EYS: variants seen among roughly 807,000 people sequenced by gnomAD.
EYS encodes protein eyes shut homolog.
EYS carries 250 observed loss-of-function variants against 282.1 expected under a neutral mutation model. The observed-to-expected ratio is 0.89, with a 90% CI of 0.80 to 0.98. The LOEUF (loss-of-function observed/expected upper bound fraction) is 0.98, where lower values mean the gene tolerates loss of function less well. Ranked by LOEUF, EYS falls within the 50% of genes least tolerant of loss-of-function variation. The probability of loss-of-function intolerance (pLI) is 0.00; values close to 1 mark genes in which losing one functional copy is unlikely to be tolerated. For synonymous variants in EYS, 1,355 were observed against 1,282.9 expected, an observed-to-expected ratio of 1.06 and a Z score of -1.20; for missense variants, 4,016 against 3,709.0, an observed-to-expected ratio of 1.08 and a Z score of -2.15.
chr6:64,611,847 T>C (rs967826338), intron 24 of EYS, among the ~76,000 whole-genome samples: 2 of 152,170 alleles, frequency 1.3e-5, no homozygotes, highest in African/African-American at 4.8e-5. Context: ...CAAATAAGGA[T>C]AAATGTCAAA....
In EYS at chr6:64,617,436, T is replaced by A. The variant is rs1284359842; in HGVS notation, c.3666A>T (p.Leu1222Phe). The part of the protein sequence containing the change: ...CMENEPGSTC[L>F]CTPGFMTCSI... ...TCTTTACCATAAATCCAGGTGTGCA[T>A]AAACATGTCGAGCCAGGTTCATTCT... Residue 1222 changes from leucine (L) to phenylalanine (F), a missense_variant, in exon 24 of 43, where the codon TTA becomes TTT. Coordinates refer to ENST00000503581, the MANE Select transcript of EYS (RefSeq NM_001142800.2). The A allele has an allele frequency of 1.3e-6, 2 of 1,549,402 alleles. No homozygotes were observed. The highest frequency in any genetic ancestry group is 2.0e-5 in the Admixed American group (1 of 50,958).
At chr6:64,425,641 T>A (rs1301927084) in intron 28 of EYS, among the ~76,000 whole-genome samples, 13 of 52,140 alleles carry the variant, frequency 2.5e-4, no homozygotes, top group South Asian at 5.0e-4. Flanking sequence ...GCAACAAGAG[T>A]AAAACTCCAT....
At chr6:64,542,687 A>C (rs570015926) in intron 26 of EYS, among the ~76,000 whole-genome samples, 1 of 152,216 alleles carries the variant, frequency 6.6e-6, no homozygotes, top group African/African-American at 2.4e-5. Context: ...TAAAATGACC[A>C]AAAATTAATA....
chr6:64,626,967 A>G (rs1767629328), intron 22 of EYS, among the ~76,000 whole-genome samples: 1 of 152,178 alleles, frequency 6.6e-6, no homozygotes, highest in Non-Finnish European at 1.5e-5. Flanking sequence ...GGAAGAATAG[A>G]TATGGAAAGA....
intron 26 of EYS, among the ~76,000 whole-genome samples, chr6:64,542,725 G>A (rs1242229449): frequency 7.2e-5 from 11 of 151,970 alleles, no homozygotes; most frequent in Admixed American, 5.9e-4. Context: ...GACCATTCAA[G>A]CACATCAGAC....
Position 64,114,359 on chromosome 6 carries a change from C to T in EYS, c.6425-32357G>A, listed in dbSNP as rs191118243. On this transcript the variant is annotated intron_variant, in intron 31 of 42. Coordinates refer to ENST00000503581, the MANE Select transcript of EYS (RefSeq NM_001142800.2). ...ATGCCTTTCTAAACTCAAAAATATA[C>T]CACCTAAAGGGCTGATATCTGCAAG... Among the ~76,000 whole-genome samples, 74 of 152,098 alleles carry T rather than the reference C, an allele frequency of 4.9e-4. 1 individual carries two copies. The East Asian group carries it at 0.012, about 25-fold the overall frequency.
intron 35 of EYS, among the ~76,000 whole-genome samples, chr6:63,913,133 T>C (rs1202459973): frequency 3.3e-5 from 5 of 152,304 alleles, no homozygotes; most frequent in Middle Eastern, 3.4e-3. Context: ...CATTTTTTCA[T>C]ATCCCCTAAA....
intron 5 of EYS, among the ~76,000 whole-genome samples, chr6:65,415,245 A>G (rs1767183806): frequency 6.6e-6 from 1 of 152,048 alleles, no homozygotes; most frequent in Admixed American, 6.6e-5. Context: ...GGCAATTCAA[A>G]GGATGGTCCC....
At chr6:64,843,855 C>A (rs559072265) in intron 19 of EYS, among the ~76,000 whole-genome samples, 4 of 152,120 alleles carry the variant, frequency 2.6e-5, no homozygotes, top group African/African-American at 9.6e-5. Context: ...CTATGTGTCC[C>A]CACCCAAATC....
intron 18 of EYS, among the ~76,000 whole-genome samples, chr6:64,888,740 T>C (rs556238358): frequency 2.8e-4 from 42 of 152,144 alleles, no homozygotes; most frequent in Non-Finnish European, 4.9e-4. Flanking sequence ...TGAGAAGTAA[T>C]GTAATGAATC....
intron 31 of EYS, among the ~76,000 whole-genome samples, chr6:64,082,460 A>T (rs1196941462): frequency 6.6e-6 from 1 of 152,174 alleles, no homozygotes; most frequent in Non-Finnish European, 1.5e-5. Flanking sequence ...TCATAATCAC[A>T]TCAGGGTCAA....
intron 19 of EYS, among the ~76,000 whole-genome samples, chr6:64,847,790 T>C (rs953521186): frequency 6.6e-6 from 1 of 152,068 alleles, no homozygotes; most frequent in African/African-American, 2.4e-5. Flanking sequence ...GAAAAATGAA[T>C]CTTCATCACA....
intron 30 of EYS, among the ~76,000 whole-genome samples, chr6:64,274,599 G>A (rs1768052956): frequency 6.6e-6 from 1 of 150,538 alleles, no homozygotes; most frequent in Non-Finnish European, 1.5e-5. Context: ...CTGGAGTGGG[G>A]TAACTATCCT....
intron 14 of EYS, among the ~76,000 whole-genome samples, chr6:64,948,897 T>C (rs1395471217): frequency 6.6e-6 from 1 of 151,770 alleles, no homozygotes; most frequent in Non-Finnish European, 1.5e-5. Context: ...AGGTCTACAA[T>C]ATTGAACTCT....
At chr6:65,221,637 G>A (rs1008863903) in intron 12 of EYS, among the ~76,000 whole-genome samples, 1 of 152,220 alleles carries the variant, frequency 6.6e-6, no homozygotes, top group Non-Finnish European at 1.5e-5. Context: ...GAAGGGAAAT[G>A]TGGAGTTGGA....
chr6:65,292,648 T>C (rs991032317), intron 12 of EYS, among the ~76,000 whole-genome samples: 3 of 151,712 alleles, frequency 2.0e-5, no homozygotes, highest in African/African-American at 7.3e-5. Context: ...TGAAGGAATA[T>C]AGTACAACAG....
chr6:65,187,369 A>G (rs936673539), intron 12 of EYS, among the ~76,000 whole-genome samples: 1 of 151,740 alleles, frequency 6.6e-6, no homozygotes, highest in African/African-American at 2.4e-5. Context: ...TTTAATGTCA[A>G]GTATTAAAAT....
At chr6:63,873,822 C>T (rs534972729) in intron 35 of EYS, among the ~76,000 whole-genome samples, 150 of 152,202 alleles carry the variant, frequency 9.9e-4, no homozygotes, top group Middle Eastern at 3.4e-3. Context: ...ATATCCTTTG[C>T]TCACTTTTTG....
chr6:65,319,926 T>G (rs1769423769), intron 11 of EYS, among the ~76,000 whole-genome samples: 2 of 148,614 alleles, frequency 1.3e-5, no homozygotes. Context: ...AGCCATCCAA[T>G]TTTTCAAGAA....
Sources: allele counts gnomAD v4.1 joint callset (sites outside exome capture counted in the v4.1 genomes callset), GRCh38; gene constraint gnomAD v4.1.1; transcripts MANE v1.5; gene names NCBI Gene and HGNC (gene_info 2026-07-23, HGNC 2026-07-21).